The following LINGO2 variants were observed in gnomAD, a reference collection of about 807,000 sequenced individuals.
The protein encoded by LINGO2 is leucine rich repeat and Ig domain containing 2, also known as leucine-rich repeat and immunoglobulin-like domain-containing nogo receptor-interacting protein 2.
In LINGO2, 14 loss-of-function variants were observed where a neutral mutation model predicts 30.6. That is an observed-to-expected ratio of 0.46 (90% CI 0.30 to 0.72). LINGO2 has a LOEUF of 0.72. LINGO2 is among the 30% of genes least tolerant of loss of function. The pLI, the probability that LINGO2 is intolerant of heterozygous loss-of-function variation, is 0.07. For synonymous variants in LINGO2, 317 were observed against 288.5 expected, an observed-to-expected ratio of 1.10 and a Z score of -1.00; for missense variants, 729 against 751.7, an observed-to-expected ratio of 0.97 and a Z score of 0.35.
the LINGO2 span, among the ~76,000 whole-genome samples, chr9:28,955,301 T>G: frequency 6.6e-6 from 1 of 152,144 alleles, no homozygotes; most frequent in East Asian, 1.9e-4. Flanking sequence ...TATTAGATTG[T>G]CAATGAAAGG....
the LINGO2 span, among the ~76,000 whole-genome samples, chr9:28,749,031 C>G: frequency 3.3e-5 from 5 of 151,816 alleles, 2 homozygotes; most frequent in African/African-American, 1.2e-4. Flanking sequence ...TAAAAATATG[C>G]AAAAATAATA....
chr9:28,671,570 T>C (rs1829013947), upstream of LINGO2, among the ~76,000 whole-genome samples: 2 of 148,194 alleles, frequency 1.3e-5, no homozygotes, highest in Admixed American at 1.3e-4. Context: ...ATGTTCTCAC[T>C]TATAAGTGGA....
At chr9:28,992,906 T>A in the LINGO2 span, among the ~76,000 whole-genome samples, 39 of 150,402 alleles carry the variant, frequency 2.6e-4, no homozygotes, top group Admixed American at 6.6e-4. Flanking sequence ...CCCACAAGAG[T>A]AAGCAGGAAA....
intron 4 of LINGO2, chr9:28,080,598 G>A (rs1317263885): frequency 6.6e-6 from 1 of 152,140 alleles, no homozygotes; most frequent in Non-Finnish European, 1.5e-5. Flanking sequence ...GTATCACCAT[G>A]GGAAAATTAT....
At chr9:28,429,422 G>A (rs2134935777) in intron 2 of LINGO2, among the ~76,000 whole-genome samples, 1 of 152,242 alleles carries the variant, frequency 6.6e-6, no homozygotes, top group African/African-American at 2.4e-5. Flanking sequence ...TATGAATGAA[G>A]TTTAAAAGTT....
chr9:29,119,577 C>CTTTT, the LINGO2 span, among the ~76,000 whole-genome samples: 33 of 82,542 alleles, frequency 4.0e-4, no homozygotes, highest in African/African-American at 6.1e-4. Context: ...CAGTTGTCAT[C>CTTTT]TTTTTTTTTT....
At chr9:28,040,548 A>G (rs966818627) in intron 4 of LINGO2, among the ~76,000 whole-genome samples, 6 of 148,030 alleles carry the variant, frequency 4.1e-5, no homozygotes, top group African/African-American at 1.5e-4. Flanking sequence ...TGAATTATGA[A>G]CCATGTCATA....
chr9:28,272,731 T>C (rs1230607432), intron 4 of LINGO2, among the ~76,000 whole-genome samples: 1 of 152,106 alleles, frequency 6.6e-6, no homozygotes, highest in Non-Finnish European at 1.5e-5. Context: ...TTCACAAGAA[T>C]TGTTCTGACA....
chr9:28,482,793 T>G (rs1368230674), intron 1 of LINGO2, among the ~76,000 whole-genome samples: 1 of 152,120 alleles, frequency 6.6e-6, no homozygotes, highest in East Asian at 1.9e-4. Context: ...GCTAGCCATA[T>G]GTAGAAAGCT....
the LINGO2 span, among the ~76,000 whole-genome samples, chr9:28,925,938 T>C: frequency 1.3e-5 from 2 of 152,056 alleles, no homozygotes; most frequent in African/African-American, 4.8e-5. Context: ...CACCCCTGAG[T>C]GGGAATGGGG....
intron 5 of LINGO2, among the ~76,000 whole-genome samples, chr9:28,000,741 T>A (rs1821907625): frequency 6.6e-6 from 1 of 152,214 alleles, no homozygotes; most frequent in Non-Finnish European, 1.5e-5. Flanking sequence ...TGACAATAGT[T>A]TTTTATTTGC....
chr9:28,587,233 C>T (rs1824597494), intron 1 of LINGO2, among the ~76,000 whole-genome samples: 1 of 151,994 alleles, frequency 6.6e-6, no homozygotes, highest in South Asian at 2.1e-4. Flanking sequence ...TGGAGGCTGA[C>T]AAGTTCTGCT....
the LINGO2 span, among the ~76,000 whole-genome samples, chr9:28,938,420 C>T: frequency 2.0e-5 from 3 of 152,074 alleles, no homozygotes; most frequent in African/African-American, 4.8e-5. Context: ...TCTCCTTTTA[C>T]ATTTTACTTA....
the LINGO2 span, among the ~76,000 whole-genome samples, chr9:28,799,969 CT>C: frequency 2.3e-4 from 35 of 151,470 alleles, no homozygotes; most frequent in African/African-American, 7.0e-4. Flanking sequence ...TAGCAAAAAA[CT>C]TTTTTTTTCA....
chr9:28,356,866 T>C (rs909345122), intron 3 of LINGO2, among the ~76,000 whole-genome samples: 1 of 152,106 alleles, frequency 6.6e-6, no homozygotes, highest in Non-Finnish European at 1.5e-5. Flanking sequence ...TAAGCAAGTT[T>C]ACTTCCTCTT....
At chr9:28,554,927 A>C in intron 1 of LINGO2, among the ~76,000 whole-genome samples, 1 of 121,308 alleles carries the variant, frequency 8.2e-6, no homozygotes, top group Middle Eastern at 4.0e-3. Flanking sequence ...AGGCAGAAAT[A>C]AAGATGTTCT....
At chr9:28,024,386 T>G (rs1823277111) in intron 4 of LINGO2, among the ~76,000 whole-genome samples, 1 of 151,970 alleles carries the variant, frequency 6.6e-6, no homozygotes, top group Admixed American at 6.6e-5. Context: ...ACAAGGGAGG[T>G]TGAAGCCTGA....
chr9:28,440,630 A>C (rs1824153629), intron 2 of LINGO2, among the ~76,000 whole-genome samples: 1 of 152,196 alleles, frequency 6.6e-6, no homozygotes, highest in Admixed American at 6.5e-5. Flanking sequence ...CAACAAAAGT[A>C]ATTTACCTTT....
chr9:28,466,976 G>A (rs933484061), intron 2 of LINGO2, among the ~76,000 whole-genome samples: 6 of 149,650 alleles, frequency 4.0e-5, no homozygotes, highest in Admixed American at 4.0e-4. Context: ...AGATACAAAG[G>A]CAAAGTGGGT....
Sources: gnomAD v4.1 joint callset for allele counts (sites outside exome capture counted in the v4.1 genomes callset) on GRCh38, gnomAD v4.1.1 for gene constraint, MANE v1.5 for transcripts, NCBI Gene and HGNC (gene_info 2026-07-23, HGNC 2026-07-21) for gene names.